The following ATXN10 variants were observed in gnomAD, a reference collection of about 807,000 sequenced individuals.
ATXN10 encodes ataxin 10, also known as ataxin-10.
In ATXN10, 28 loss-of-function variants were observed where a neutral mutation model predicts 52.9. That is an observed-to-expected ratio of 0.53 (90% CI 0.39 to 0.73). The LOEUF (loss-of-function observed/expected upper bound fraction) is 0.73. ATXN10 is among the 30% of genes least tolerant of loss of function. ATXN10 has a pLI of 0.00. For missense variants in ATXN10, 565 were observed against 577.0 expected (o/e 0.98, Z 0.21); for synonymous variants, 226 against 221.5 (o/e 1.02, Z -0.18).
intron 9 of ATXN10, among the ~76,000 whole-genome samples, chr22:45,761,302 C>T (rs1926381134): frequency 6.6e-6 from 1 of 152,102 alleles, no homozygotes; most frequent in Admixed American, 6.6e-5. Context: ...GACTGTATTA[C>T]CATCTAAAAC....
chr22:45,766,426 T>G lies in ATXN10; in HGVS notation c.1173+25888T>G, dbSNP rs1926583507. 6.6e-6 allele frequency among the ~76,000 whole-genome samples: 1 copy of G among 152,014 alleles called. No individual in the cohort carries two copies. The highest frequency in any genetic ancestry group is 1.5e-5 in the Non-Finnish European group (1 of 67,994). ...CTGAAGTCTTCCCCGCAACCCCTCT[T>G]CCCCCGAGTCTGTGGAAAAATTGCC... On this transcript the variant is annotated intron_variant, in intron 9 of 11. Transcript: ENST00000252934. This position sits in a 1 kb window ranked among gnomAD's most constrained non-coding sequence, Gnocchi z 4.6.
In ATXN10 at chr22:45,701,695, T is replaced by G. The variant is rs1265426363; in HGVS notation, c.489-994T>G. On this transcript the variant is annotated intron_variant, in intron 4 of 11. Coordinates refer to ENST00000252934, the MANE Select transcript of ATXN10 (RefSeq NM_013236.4). The surrounding 1 kb of genome is among the most constrained non-coding windows in gnomAD (Gnocchi z 4.2). ...TAGATGATTAGAATGTGGTGGTAAC[T>G]TATATATTCGTTATTCCTGAAGGAT... Among the ~76,000 whole-genome samples the G allele has an allele frequency of 6.6e-6, 1 of 152,172 alleles. No homozygotes were observed. Among genetic ancestry groups the G allele is most frequent in the African/African-American group, 2.4e-5 (1 of 41,448 alleles).
chr22:45,801,407 A>G (rs1213059715), intron 9 of ATXN10, among the ~76,000 whole-genome samples: 1 of 152,120 alleles, frequency 6.6e-6, no homozygotes. Flanking sequence ...CTTGAGTCAC[A>G]CCATATGTTG....
At position 45,789,081 on chromosome 22, in the gene ATXN10, A is replaced by G. The variant is rs1324913759; in HGVS notation, c.1174-17878A>G. On this transcript the variant is annotated intron_variant, in intron 9 of 11. Coordinates refer to ENST00000252934, the MANE Select transcript of ATXN10 (RefSeq NM_013236.4). The surrounding 1 kb of genome is among the most constrained non-coding windows in gnomAD (Gnocchi z 4.0). ...AGATGCAGATTGACAGTAAGGATGG[A>G]AAGTCACTGCTCTGTATCAGTGCTT... Among the ~76,000 whole-genome samples the G allele has an allele frequency of 3.9e-5, 6 of 152,120 alleles. No individual in the cohort carries two copies. The East Asian group carries it at 1.2e-3, about 29-fold the overall frequency.
intron 10 of ATXN10, among the ~76,000 whole-genome samples, chr22:45,814,794 G>A (rs1928402086): frequency 6.6e-6 from 1 of 152,164 alleles, no homozygotes; most frequent in Admixed American, 6.5e-5. Flanking sequence ...CCTGAGCTCC[G>A]TCTCCCGTCA....
rs1490789727 is a variant in ATXN10 at position 45,684,511 on chromosome 22, C to T, written c.117-5201C>T. On this transcript the variant is annotated intron_variant, in intron 1 of 11. Transcript: ENST00000252934. This position sits in a 1 kb window ranked among gnomAD's most constrained non-coding sequence, Gnocchi z 4.1. ...GGGGAGATGATAAAGTTTCATGACA[C>T]ATGAAAATTATATGAATTTAAATTT... 6.6e-6 allele frequency among the ~76,000 whole-genome samples: 1 copy of T among 152,092 alleles called. No homozygotes were observed. The highest frequency in any genetic ancestry group is 1.5e-5 in the Non-Finnish European group (1 of 68,030).
rs965001907 is a variant in ATXN10, at chr22:45,705,514, A to T, written c.647+2667A>T. On this transcript the variant is annotated intron_variant, in intron 5 of 11. Transcript: ENST00000252934. The surrounding 1 kb of genome is among the most constrained non-coding windows in gnomAD (Gnocchi z 5.2). ...AGTGGTGCGATCTCGGCTCACTGCA[A>T]CCTCCGCCTCTTGGGTTCAAGCAAT... 3.3e-5 allele frequency among the ~76,000 whole-genome samples: 5 copies of T among 151,788 alleles called. No homozygotes were observed. Among genetic ancestry groups the T allele is most frequent in the African/African-American group, 1.2e-4 (5 of 41,398 alleles).
chr22:45,731,386 A>G (rs900158384), intron 7 of ATXN10, among the ~76,000 whole-genome samples: 16 of 152,230 alleles, frequency 1.1e-4, no homozygotes, highest in Non-Finnish European at 1.9e-4. Context: ...TCTGGATAGT[A>G]GAATGTGGCA....
chr22:45,753,850 G>A (rs1373380686), intron 9 of ATXN10, among the ~76,000 whole-genome samples: 1 of 152,140 alleles, frequency 6.6e-6, no homozygotes, highest in Non-Finnish European at 1.5e-5. Flanking sequence ...CTTTTTAACT[G>A]CTACACAGAG....
At chr22:45,793,734 T>G in intron 9 of ATXN10, 1 of 1,447,196 alleles carries the variant, frequency 6.9e-7, no homozygotes. Context: ...ACTGAGGAGC[T>G]CTTGCCACCC....
chr22:45,821,703 G>A (rs1025294702), intron 10 of ATXN10, among the ~76,000 whole-genome samples: 1 of 152,040 alleles, frequency 6.6e-6, no homozygotes, highest in Admixed American at 6.5e-5. Context: ...GACATTTAGG[G>A]GCTGTATTTC....
At chr22:45,706,527 G>C (rs149161564) in intron 5 of ATXN10, among the ~76,000 whole-genome samples, 25 of 152,086 alleles carry the variant, frequency 1.6e-4, no homozygotes, top group African/African-American at 1.9e-4. Context: ...TTTTTACATA[G>C]GCATTTACAT....
Position 45,789,285 on chromosome 22 carries a change from T to G in ATXN10, c.1174-17674T>G, listed in dbSNP as rs75119197. 6.6e-6 allele frequency among the ~76,000 whole-genome samples: 1 copy of G among 152,224 alleles called. No homozygotes were observed. Among genetic ancestry groups the G allele is most frequent in the South Asian group, 2.1e-4 (1 of 4,830 alleles). On this transcript the variant is annotated intron_variant, in intron 9 of 11. Transcript: ENST00000252934. This position sits in a 1 kb window ranked among gnomAD's most constrained non-coding sequence, Gnocchi z 4.0. ...ATTTACTCACCTGCCTCCCCCTGGCTAAGTTTCATTCAGTACGTATCTGTT... is the reference window on the plus strand; with the variant it reads ...ATTTACTCACCTGCCTCCCCCTGGCGAAGTTTCATTCAGTACGTATCTGTT...
intron 3 of ATXN10, among the ~76,000 whole-genome samples, chr22:45,699,166 A>G (rs905979130): frequency 1.3e-5 from 2 of 152,196 alleles, no homozygotes; most frequent in African/African-American, 4.8e-5. Context: ...CTCTGTAAAA[A>G]TAATGTTGGG....
In ATXN10 at chr22:45,783,714, A is replaced by G. The variant is rs370792342; in HGVS notation, c.1174-23245A>G. Among the ~76,000 whole-genome samples, 26 of 152,362 alleles carry G rather than the reference A, an allele frequency of 1.7e-4. No individual in the cohort carries two copies. In the East Asian group the frequency reaches 2.5e-3, roughly 15 times the overall value. On this transcript the variant is annotated intron_variant, in intron 9 of 11. Transcript: ENST00000252934. The surrounding 1 kb of genome is among the most constrained non-coding windows in gnomAD (Gnocchi z 5.0). ...CCTTTTAGTCCCCAATACAAGGTCT[A>G]TCACAAAGTAGCTTTCTTTTAAATG...
intron 9 of ATXN10, among the ~76,000 whole-genome samples, chr22:45,801,869 C>G (rs1171073406): frequency 6.6e-6 from 1 of 152,186 alleles, no homozygotes; most frequent in East Asian, 1.9e-4. Context: ...GGGCACCATG[C>G]TGGATGCTTT....
chr22:45,811,116 A>G (rs780914764), intron 10 of ATXN10, among the ~76,000 whole-genome samples: 6 of 152,286 alleles, frequency 3.9e-5, no homozygotes, highest in African/African-American at 9.6e-5. Flanking sequence ...TAAAATGTCA[A>G]CCTTTGATTA....
chr22:45,737,690 CTT>C (rs544284810), intron 7 of ATXN10, among the ~76,000 whole-genome samples: 2,243 of 123,058 alleles, frequency 0.018, 27 homozygotes, highest in African/African-American at 0.066. Flanking sequence ...AATGTTATCT[CTT>C]TTTTTTTTTT....
chr22:45,825,154 C>G lies in ATXN10; in HGVS notation c.1238-17837C>G, dbSNP rs79188789. 6.4e-3 allele frequency among the ~76,000 whole-genome samples: 973 copies of G among 152,312 alleles called. 7 individuals carry two copies. The highest frequency in any genetic ancestry group is 0.015 in the South Asian group (73 of 4,822). ...CAAAAAGACCCTGACATGCAAATAT[C>G]TGGGGTCAGTGCTCTGATTACTGAT... On this transcript the variant is annotated intron_variant, in intron 10 of 11. Transcript: ENST00000252934. The surrounding 1 kb of genome is among the most constrained non-coding windows in gnomAD (Gnocchi z 4.5).
Sources: gnomAD v4.1 joint callset for allele counts (sites outside exome capture counted in the v4.1 genomes callset) on GRCh38, gnomAD v4.1.1 for gene constraint, Gnocchi (gnomAD v3.1) non-coding constraint, MANE v1.5 for transcripts, NCBI Gene and HGNC (gene_info 2026-07-23, HGNC 2026-07-21) for gene names.